Variants in LRRTM4 observed in about 807,000 individuals in gnomAD.
The protein encoded by LRRTM4 is leucine-rich repeat transmembrane neuronal protein 4.
In LRRTM4, 25 loss-of-function variants were observed where a neutral mutation model predicts 47.6. That is an observed-to-expected ratio of 0.53 (90% CI 0.38 to 0.73). LRRTM4 has a LOEUF of 0.73. Among genes scored for constraint, LRRTM4 ranks in the 30% least tolerant of loss-of-function variants. The pLI, the probability that LRRTM4 is intolerant of heterozygous loss-of-function variation, is 0.00. For synonymous variants in LRRTM4, 311 were observed against 269.5 expected (o/e 1.15, Z -1.51); for missense variants, 638 against 713.4 (o/e 0.89, Z 1.20).
chr2:77,285,364 G>A (rs1214811993), intron 3 of LRRTM4, among the ~76,000 whole-genome samples: 13 of 11,350 alleles, frequency 1.1e-3, no homozygotes, highest in African/African-American at 1.6e-3. Flanking sequence ...ATATATATAT[G>A]GCCAATAGAA....
At position 77,130,935 on chromosome 2, in the gene LRRTM4, C is replaced by T. The variant is rs1420422013; in HGVS notation, c.1552-382019G>A. On this transcript the variant is annotated intron_variant, in intron 3 of 3. Transcript: ENST00000409884. ...CTGCAAGCTCCGCCTCCCGGGTTCA[C>T]GCCATTCTCCTGCCTCAGCCTCCCA... is the stretch of plus-strand genomic sequence containing the variant. Among the ~76,000 whole-genome samples, 45 of 130,030 alleles carry T rather than the reference C, an allele frequency of 3.5e-4. 1 individual carries two copies. The highest frequency in any genetic ancestry group is 6.2e-4 in the Non-Finnish European group (39 of 63,392). The allele number at this position is 130,030 out of a possible 152,430, so 85.3% of individuals were successfully genotyped here.
chr2:77,251,121 A>G (rs1448509076), intron 3 of LRRTM4, among the ~76,000 whole-genome samples: 1 of 146,624 alleles, frequency 6.8e-6, no homozygotes, highest in East Asian at 2.0e-4. Context: ...AAAAATATAT[A>G]TACACACATA....
intron 3 of LRRTM4, among the ~76,000 whole-genome samples, chr2:76,933,858 G>T (rs967559130): frequency 6.6e-6 from 1 of 152,004 alleles, no homozygotes; most frequent in Non-Finnish European, 1.5e-5. Flanking sequence ...TGACATTTCT[G>T]GAAAAGTTGA....
chr2:77,061,205 T>C (rs1246464784), intron 3 of LRRTM4, among the ~76,000 whole-genome samples: 3 of 152,138 alleles, frequency 2.0e-5, no homozygotes, highest in East Asian at 1.9e-4. Context: ...AATTAGATAA[T>C]TGAATATCCT....
chr2:77,153,694 C>A lies in LRRTM4; in HGVS notation c.1551+364624G>T, dbSNP rs1353684321. The stretch of plus-strand genomic sequence containing the variant: ...GGCTAATAGGTTCTGCTCTCATTAA[C>A]ACTAAAAGTTATGAATGCTTTTAGA... On this transcript the variant is annotated intron_variant, in intron 3 of 3. Coordinates refer to ENST00000409884, the MANE Select transcript of LRRTM4 (RefSeq NM_001134745.3). Among the ~76,000 whole-genome samples, 3 of 152,112 alleles carry A rather than the reference C, an allele frequency of 2.0e-5. No homozygotes were observed. The East Asian group carries it at 5.8e-4, about 29-fold the overall frequency.
intron 3 of LRRTM4, among the ~76,000 whole-genome samples, chr2:76,875,663 A>G (rs1252568188): frequency 6.6e-6 from 1 of 152,160 alleles, no homozygotes; most frequent in Non-Finnish European, 1.5e-5. Flanking sequence ...GCCTGTTTCT[A>G]TATATTTTCT....
intron 3 of LRRTM4, among the ~76,000 whole-genome samples, chr2:76,825,200 A>C (rs917009941): frequency 5.9e-5 from 9 of 151,656 alleles, no homozygotes; most frequent in Non-Finnish European, 1.0e-4. Context: ...AAGAAACATA[A>C]TCTGCTTTAC....
intron 3 of LRRTM4, among the ~76,000 whole-genome samples, chr2:76,917,096 G>A (rs1027919737): frequency 6.6e-6 from 1 of 152,156 alleles, no homozygotes; most frequent in Non-Finnish European, 1.5e-5. Context: ...TCTGCAAAGG[G>A]CCAGGAAGTG....
intron 3 of LRRTM4, among the ~76,000 whole-genome samples, chr2:77,169,888 A>C (rs1450303214): frequency 6.6e-6 from 1 of 152,066 alleles, no homozygotes; most frequent in Admixed American, 6.6e-5. Context: ...ATTTGTGTAA[A>C]GTTTTTTTAG....
intron 3 of LRRTM4, among the ~76,000 whole-genome samples, chr2:76,946,308 T>C (rs1291798390): frequency 2.6e-5 from 4 of 151,968 alleles, no homozygotes; most frequent in South Asian, 2.1e-4. Flanking sequence ...GTTCAGTGTA[T>C]ACGTGTGTAG....
intron 3 of LRRTM4, among the ~76,000 whole-genome samples, chr2:77,121,994 A>G (rs1313926460): frequency 6.6e-6 from 1 of 151,846 alleles, no homozygotes; most frequent in Non-Finnish European, 1.5e-5. Flanking sequence ...CTAGGTTGCC[A>G]CTGCTATTGT....
At chr2:76,754,847 C>T (rs1672972125) in intron 3 of LRRTM4, among the ~76,000 whole-genome samples, 1 of 152,072 alleles carries the variant, frequency 6.6e-6, no homozygotes, top group African/African-American at 2.4e-5. Context: ...AGGATGGAGG[C>T]TATGTGGAAT....
At chr2:77,045,854 G>C (rs1423508565) in intron 3 of LRRTM4, among the ~76,000 whole-genome samples, 1 of 151,810 alleles carries the variant, frequency 6.6e-6, no homozygotes, top group East Asian at 1.9e-4. Flanking sequence ...CTGATATCCA[G>C]CCCATAATCA....
At position 76,779,100 on chromosome 2, in the gene LRRTM4, G is replaced by T. The variant is rs889343262; in HGVS notation, c.1552-30184C>A. 3.0e-3 allele frequency among the ~76,000 whole-genome samples: 443 copies of T among 149,106 alleles called. 11 individuals are homozygous for T. Among genetic ancestry groups the T allele is most frequent in the Admixed American group, 0.028 (414 of 14,906 alleles). On this transcript the variant is annotated intron_variant, in intron 3 of 3. Coordinates refer to ENST00000409884, the MANE Select transcript of LRRTM4 (RefSeq NM_001134745.3). ...GTGAGATTCTTAATCCTGAGTTCTA[G>T]TTTGATTGCACTGTGGTCTGAGAGA...
chr2:76,968,209 A>C (rs1676091337), intron 3 of LRRTM4, among the ~76,000 whole-genome samples: 1 of 150,960 alleles, frequency 6.6e-6, no homozygotes, highest in Non-Finnish European at 1.5e-5. Context: ...TAATTCAGTA[A>C]TGATAATCAA....
At chr2:77,407,135 G>A (rs1414603527) in intron 3 of LRRTM4, among the ~76,000 whole-genome samples, 1 of 152,074 alleles carries the variant, frequency 6.6e-6, no homozygotes, top group Admixed American at 6.6e-5. Flanking sequence ...ACAAAGAATT[G>A]GTATCTGCCC....
At chr2:77,137,902 ATCAAT>A (rs1427773525) in intron 3 of LRRTM4, among the ~76,000 whole-genome samples, 1 of 152,192 alleles carries the variant, frequency 6.6e-6, no homozygotes. Flanking sequence ...TGGTGAGGGG[ATCAAT>A]TCAACAGGAA....
intron 3 of LRRTM4, among the ~76,000 whole-genome samples, chr2:77,224,434 C>T (rs1465629636): frequency 5.7e-4 from 87 of 152,024 alleles, no homozygotes; most frequent in African/African-American, 1.2e-3. Flanking sequence ...ACCTACAGAA[C>T]GGGAGAAAAT....
At chr2:77,321,555 G>GGC (rs1553428213) in intron 3 of LRRTM4, among the ~76,000 whole-genome samples, 3 of 87,542 alleles carry the variant, frequency 3.4e-5, no homozygotes, top group African/African-American at 2.0e-4. Flanking sequence ...ATCGGGGAGG[G>GGC]GGGGGGGTGT....
Sources: allele counts gnomAD v4.1 joint callset (sites outside exome capture counted in the v4.1 genomes callset), GRCh38; gene constraint gnomAD v4.1.1; transcripts MANE v1.5; gene names NCBI Gene and HGNC (gene_info 2026-07-23, HGNC 2026-07-21).